Variants in DOK2 observed in about 807,000 individuals in gnomAD.
DOK2 encodes the protein docking protein 2.
In DOK2, 28 loss-of-function variants were observed where a neutral mutation model predicts 26.0. The ratio of observed to expected loss-of-function variants is 1.08; its 90% CI spans 0.80 to 1.48. The LOEUF (loss-of-function observed/expected upper bound fraction) is 1.48. DOK2 is among the 40% of genes most tolerant of loss of function. The pLI is 0.00. For synonymous variants in DOK2, 282 were observed against 236.9 expected (o/e 1.19, Z -1.75); for missense variants, 682 against 558.2 (o/e 1.22, Z -2.23).
At position 21,911,957 on chromosome 8, in the gene DOK2, C is replaced by G; in HGVS notation, c.377G>C (p.Gly126Ala). The change falls in exon 3 of 5, where the codon GGA (glycine) becomes GCA (alanine). Residue 126 changes from glycine (G) to alanine (A), a missense_variant. By Grantham distance (60) the Gly-to-Ala change is moderately conservative. Coordinates refer to ENST00000276420, the MANE Select transcript of DOK2 (RefSeq NM_003974.4). ...GQRKELSGPEGKQSRPCMEEN... is the reference protein window; with the variant it reads ...GQRKELSGPEAKQSRPCMEEN... Reference sequence around the variant, plus strand: ...CTCCATGCAGGGCCGGCTCTGCTTTCCCTCTGGCCCCGAGAGCTCCTTCCT... The same window carrying G: ...CTCCATGCAGGGCCGGCTCTGCTTTGCCTCTGGCCCCGAGAGCTCCTTCCT... 6.4e-7 allele frequency: 1 copy of G among 1,558,510 alleles called. No homozygotes were observed. The highest frequency in any genetic ancestry group is 1.9e-5 in the Admixed American group (1 of 51,770).
intron 3 of DOK2, 37 bp downstream of exon 3, chr8:21,911,863 GC>G: frequency 6.5e-7 from 1 of 1,530,210 alleles, no homozygotes; most frequent in Non-Finnish European, 8.8e-7. Context: ...CCTGGGGAGA[GC>G]CCCCAGGGGA....
Position 21,909,074 on chromosome 8 carries a change from A to C in DOK2, c.*237T>G, listed in dbSNP as rs1809707457. The C allele has an allele frequency of 2.4e-6, 1 of 424,926 alleles. No homozygotes were observed. The highest frequency in any genetic ancestry group is 4.2e-6 in the Non-Finnish European group (1 of 239,220). The allele number at this position is 424,926 out of a possible 1,614,324, so 26.3% of individuals were successfully genotyped here. A position where few individuals can be genotyped will look rare whatever the true frequency, so the allele number is the denominator to read the frequency against. ...CCCAGGTTCCTCCTCAGCTGGGGAA[A>C]GAAAGAGGAGGAAGTGGAAAAAGAG... On this transcript the variant is annotated 3_prime_UTR_variant, in exon 5 of 5. Transcript: ENST00000276420.
At chr8:21,910,642 T>C in intron 4 of DOK2, 31 bp downstream of exon 4, 1 of 1,612,374 alleles carries the variant, frequency 6.2e-7, no homozygotes, top group Non-Finnish European at 8.5e-7. Flanking sequence ...ATCCTTTCTC[T>C]CAACCTGCCC....
At position 21,909,171 on chromosome 8, in the gene DOK2, A is replaced by T; in HGVS notation, c.*140T>A. On this transcript the variant is annotated 3_prime_UTR_variant, in exon 5 of 5. Coordinates refer to ENST00000276420, the MANE Select transcript of DOK2 (RefSeq NM_003974.4). ...GGTGACTCACCCAGCAGGCCCTGGGAGAGGCAATTTATCAGCCCCAACGAA... is the reference window on the plus strand; with the variant it reads ...GGTGACTCACCCAGCAGGCCCTGGGTGAGGCAATTTATCAGCCCCAACGAA... 1 of 1,055,248 alleles carries T rather than the reference A, an allele frequency of 9.5e-7. No individual in the cohort carries two copies. Among genetic ancestry groups the T allele is most frequent in the Non-Finnish European group, 1.4e-6 (1 of 731,986 alleles). 65.4% of individuals were successfully genotyped at this position (1,055,248 alleles called of 1,614,324 possible). A position where few individuals can be genotyped will look rare whatever the true frequency, so the allele number is the denominator to read the frequency against.
rs765133500 is a variant in DOK2 at position 21,913,557 on chromosome 8, C to T, written c.45G>A (p.Gln15=). ...AVKQGFLYLQ[Q]QQTFGKKWRR... is the part of the protein sequence containing the mutation. ...CTCCTACCTTTCCAAACGTCTGCTG[C>T]TGCTGAAGATACAAGAAGCCTTGTT... Residue 15 remains glutamine, a synonymous_variant, in exon 1 of 5, where the codon CAG becomes CAA. Transcript: ENST00000276420. 1.9e-6 allele frequency: 3 copies of T among 1,614,004 alleles called. 1 individual carries two copies. Among genetic ancestry groups the T allele is most frequent in the Admixed American group, 3.3e-5 (2 of 59,998 alleles).
At position 21,908,928 on chromosome 8, in the gene DOK2, G is replaced by A. The variant is rs1809701886; in HGVS notation, c.*383C>T. 1.7e-5 allele frequency: 3 copies of A among 175,164 alleles called. No individual in the cohort carries two copies. Among genetic ancestry groups the A allele is most frequent in the African/African-American group, 4.7e-5 (2 of 42,262 alleles). The allele number at this position is 175,164 out of a possible 1,614,324, so 10.9% of individuals were successfully genotyped here. On this transcript the variant is annotated 3_prime_UTR_variant, in exon 5 of 5. Coordinates refer to ENST00000276420, the MANE Select transcript of DOK2 (RefSeq NM_003974.4). ...AATCTGAAAGGTGCAGGAAGCTGCC[G>A]CCATCCCCCTGGGTGCCTGGGCCCA... is the stretch of plus-strand genomic sequence containing the variant.
chr8:21,910,867 A>G lies in DOK2; in HGVS notation c.434-10T>C, dbSNP rs764387277. On this transcript the variant is annotated splice_polypyrimidine_tract_variant and intron_variant, in intron 3 of 4. Coordinates refer to ENST00000276420, the MANE Select transcript of DOK2 (RefSeq NM_003974.4). ...TCCTTGTGGGGGCCGACTGGGGAGA[A>G]GAAGAGAGAGAAGGCGAAGGCAGTT... The G allele has an allele frequency of 6.9e-6, 11 of 1,590,852 alleles. No homozygotes were observed. The highest frequency in any genetic ancestry group is 4.5e-5 in the East Asian group (2 of 43,960).
chr8:21,912,495 C>T lies in DOK2; in HGVS notation c.79G>A (p.Gly27Ser), dbSNP rs775189966. The T allele has an allele frequency of 9.8e-6, 15 of 1,523,748 alleles. No individual in the cohort carries two copies. The highest frequency in any genetic ancestry group is 2.4e-5 in the East Asian group (1 of 41,516). 94.4% of individuals were successfully genotyped at this position (1,523,748 alleles called of 1,614,324 possible). ...TCCGACCCTCCATACAGTGAGGCGC[C>T]GAAGCGGCGCCATTTCTGTGCCAGA... ...QTFGKKWRRF[G>S]ASLYGGSDCA... The change falls in exon 2 of 5, where the codon GGC becomes AGC. Residue 27 changes from glycine (G) to serine (S), a missense_variant. Gly to Ser is a moderately conservative substitution (Grantham distance 56). Coordinates refer to ENST00000276420, the MANE Select transcript of DOK2 (RefSeq NM_003974.4).
Position 21,912,433 on chromosome 8 carries a change from C to A in DOK2, c.141G>T (p.Pro47=). 6.3e-7 allele frequency: 1 copy of A among 1,575,156 alleles called. No individual in the cohort carries two copies. Among genetic ancestry groups the A allele is most frequent in the Non-Finnish European group, 8.6e-7 (1 of 1,162,404 alleles). The change falls in exon 2 of 5, where the codon CCG becomes CCT. Residue 47 remains proline, a synonymous_variant. Transcript: ENST00000276420. ...ALARLELQEG[P]EKPRRCEAAR... ...CAGCCTCACACCGACGAGGCTTCTC[C>A]GGGCCCTCCTGCAGCTCCAGCCGGG...
Position 21,912,330 on chromosome 8 carries a change from T to G in DOK2, c.244A>C (p.Ser82Arg). ...TCCTTGGTCTCCAGGAAGAAGGCAC[T>G]GGTGTCCCGGGGGCTGCTGGCCTCT... ...GGEASSPRDT[S>R]AFFLETKERL... is the part of the protein sequence containing the mutation. Residue 82 changes from serine to arginine, a missense_variant, in exon 2 of 5, where the codon AGT (serine) becomes CGT (arginine). Coordinates refer to ENST00000276420, the MANE Select transcript of DOK2 (RefSeq NM_003974.4). The G allele has an allele frequency of 2.5e-6, 4 of 1,607,618 alleles. No individual in the cohort carries two copies. In the South Asian group the frequency reaches 4.4e-5, roughly 18 times the overall value.
In DOK2 at chr8:21,912,267, C is replaced by T. The variant is rs367990658; in HGVS notation, c.307G>A (p.Gly103Ser). 1.5e-5 allele frequency: 23 copies of T among 1,578,844 alleles called. No homozygotes were observed. The highest frequency in any genetic ancestry group is 1.7e-4 in the Middle Eastern group (1 of 5,980). ...YLLAAPAAERGDWVQAICLLA... is the reference protein window; with the variant it reads ...YLLAAPAAERSDWVQAICLLA... ...AGGCAGATGGCCTGCACCCAGTCGC[C>T]GCGCTCCGCTGCAGGGGCCGCCAGG... Residue 103 changes from glycine (G) to serine (S), a missense_variant, in exon 2 of 5, where the codon GGC (glycine) becomes AGC (serine). Coordinates refer to ENST00000276420, the MANE Select transcript of DOK2 (RefSeq NM_003974.4).
In DOK2 at chr8:21,909,812, C is replaced by G; in HGVS notation, c.738G>C (p.Lys246Asn). The stretch of plus-strand genomic sequence containing the variant: ...GTTGGGGTGTAGCGGGTGCAGCATT[C>G]TTCTGGGCAGAGATGGCCTCTTCCA... ...LALEEAISAQ[K>N]NAAPATPQPQ... Residue 246 changes from lysine to asparagine, a missense_variant, in exon 5 of 5, where the codon AAG (lysine) becomes AAC (asparagine). Lys to Asn is a moderately conservative substitution (Grantham distance 94, BLOSUM62 0). Coordinates refer to ENST00000276420, the MANE Select transcript of DOK2 (RefSeq NM_003974.4). 1.2e-6 allele frequency: 2 copies of G among 1,613,982 alleles called. No homozygotes were observed. The highest frequency in any genetic ancestry group is 1.7e-6 in the Non-Finnish European group (2 of 1,180,014).
At position 21,912,548 on chromosome 8, in the gene DOK2, C is replaced by T. The variant is rs1402173519; in HGVS notation, c.64-38G>A. On this transcript the variant is annotated intron_variant, in intron 1 of 4. Coordinates refer to ENST00000276420, the MANE Select transcript of DOK2 (RefSeq NM_003974.4). ...CGTGGGAGGCGGGGGCGGGAGGGAG[C>T]CACCCAGAGACGGGGAGATCGTGAG... The T allele has an allele frequency of 3.4e-6, 5 of 1,463,250 alleles. No individual in the cohort carries two copies. The African/African-American group carries it at 5.6e-5, about 17-fold the overall frequency. 90.6% of individuals were successfully genotyped at this position (1,463,250 alleles called of 1,614,324 possible). A position where few individuals can be genotyped will look rare whatever the true frequency, so the allele number is the denominator to read the frequency against.
At chr8:21,912,533 G>T in intron 1 of DOK2, 23 bp from the exon 2 acceptor site, 2 of 1,472,708 alleles carry the variant, frequency 1.4e-6, no homozygotes, top group Non-Finnish European at 1.8e-6. Flanking sequence ...CGTGGGAGGC[G>T]GGGGCGGGAG....
At chr8:21,910,974 C>T (rs990858541) in intron 3 of DOK2, 117 bp from the exon 4 acceptor site, 50 of 1,178,708 alleles carry the variant, frequency 4.2e-5, no homozygotes, top group Non-Finnish European at 5.7e-5. Context: ...ATTATCCACA[C>T]ACTTATGGCC....
At position 21,909,049 on chromosome 8, in the gene DOK2, C is replaced by A; in HGVS notation, c.*262G>T. On this transcript the variant is annotated 3_prime_UTR_variant, in exon 5 of 5. Transcript: ENST00000276420. ...TCCTTTTGTCCTCTGCCCTAAATGC[C>A]CCAGGTTCCTCCTCAGCTGGGGAAA... 2.6e-6 allele frequency: 1 copy of A among 385,242 alleles called. No homozygotes were observed. The highest frequency in any genetic ancestry group is 2.0e-5 in the African/African-American group (1 of 49,020). 23.9% of individuals were successfully genotyped at this position (385,242 alleles called of 1,614,324 possible).
intron 3 of DOK2, 87 bp from the exon 4 acceptor site, chr8:21,910,944 C>A: frequency 2.9e-6 from 4 of 1,398,102 alleles, no homozygotes; most frequent in Non-Finnish European, 3.8e-6. Context: ...AATGAGCGTA[C>A]CAGAACTTTT....
rs931919114 is a variant in DOK2, at chr8:21,910,632, A to T, written c.618+41T>A. Reference sequence around the variant, plus strand: ...TCTCACCCCTCTTTGTTCGTAGCTTATCCTTTCTCTCAACCTGCCCTGATG... The same window carrying T: ...TCTCACCCCTCTTTGTTCGTAGCTTTTCCTTTCTCTCAACCTGCCCTGATG... On this transcript the variant is annotated intron_variant, in intron 4 of 4. Transcript: ENST00000276420. The T allele has an allele frequency of 3.1e-6, 5 of 1,610,010 alleles. No individual in the cohort carries two copies. In the African/African-American group the frequency reaches 6.7e-5, roughly 22 times the overall value.
Position 21,912,379 on chromosome 8 carries a change from G to A in DOK2, c.195C>T (p.Cys65=). The A allele has an allele frequency of 1.9e-6, 3 of 1,604,334 alleles. No homozygotes were observed. Among genetic ancestry groups the A allele is most frequent in the Non-Finnish European group, 2.5e-6 (3 of 1,177,046 alleles). Residue 65 remains cysteine (C), a synonymous_variant, in exon 2 of 5, where the codon TGC becomes TGT. Transcript: ENST00000276420. ...AARKVIRLSD[C]LRVAEAGGEA... The stretch of plus-strand genomic sequence containing the variant: ...CTCCGCCGGCCTCGGCCACCCGCAG[G>A]CAGTCACTGAGGCGGATGACCTTCC...
Sources: gnomAD v4.1 joint callset for allele counts on GRCh38, gnomAD v4.1.1 for gene constraint, MANE v1.5 for transcripts, NCBI Gene and HGNC (gene_info 2026-07-23, HGNC 2026-07-21) for gene names.